Variants in KRIT1 observed in about 807,000 individuals in gnomAD.
KRIT1 encodes krev interaction trapped protein 1.
Under a neutral mutation model 95.8 loss-of-function variants are expected in KRIT1, and 45 were observed. The ratio of observed to expected loss-of-function variants is 0.47; its 90% confidence interval spans 0.37 to 0.60. KRIT1 has a LOEUF of 0.60. Ranked by LOEUF, KRIT1 falls within the 20% of genes least tolerant of loss-of-function variation. KRIT1 has a pLI of 0.00. For synonymous variants in KRIT1, 282 were observed against 278.8 expected, an observed-to-expected ratio of 1.01 and a Z score of -0.11; for missense variants, 788 against 877.5, an observed-to-expected ratio of 0.90 and a Z score of 1.29.
At chr7:92,223,777 G>A (rs1795655393) in intron 12 of KRIT1, among the ~76,000 whole-genome samples, 1 of 152,142 alleles carries the variant, frequency 6.6e-6, no homozygotes, top group African/African-American at 2.4e-5. Context: ...AATGAACTTT[G>A]AGCCAGTTTC....
At chr7:92,207,285 C>T (rs1791752138) in intron 17 of KRIT1, among the ~76,000 whole-genome samples, 1 of 151,822 alleles carries the variant, frequency 6.6e-6, no homozygotes, top group South Asian at 2.1e-4. Context: ...CATATAAGGA[C>T]ATTGCCATCA....
Position 92,245,844 on chromosome 7 carries a change from C to A in KRIT1, c.-475G>T. 1 of 212,698 alleles carries A rather than the reference C, an allele frequency of 4.7e-6. No homozygotes were observed. Among genetic ancestry groups the A allele is most frequent in the South Asian group, 6.2e-5 (1 of 16,068 alleles). The allele number at this position is 212,698 out of a possible 1,614,324, so 13.2% of individuals were successfully genotyped here. ...CACCTCAGCACCATTCACCCCTCACCCTCTCCCGAAACTACGGGGTCCCAG... is the reference window on the plus strand; with the variant it reads ...CACCTCAGCACCATTCACCCCTCACACTCTCCCGAAACTACGGGGTCCCAG... On this transcript the variant is annotated 5_prime_UTR_variant, in exon 1 of 19. Coordinates refer to ENST00000394505, the MANE Select transcript of KRIT1 (RefSeq NM_194454.3).
Position 92,221,910 on chromosome 7 carries a change from C to T in KRIT1, c.1555G>A (p.Glu519Lys). ...AAGATTTCCAAGCAAACCTGTTTTT[C>T]AACTTCCAAGGGAAGTCTCACATCT... ...RRDVRLPLEV[E>K]KQIEDPLAIL... Residue 519 changes from glutamate (E) to lysine (K), a missense_variant, in exon 14 of 19, where the codon GAA becomes AAA. Glu to Lys is a moderately conservative substitution (Grantham distance 56). Transcript: ENST00000394505. The T allele has an allele frequency of 1.9e-6, 3 of 1,613,510 alleles. No individual in the cohort carries two copies. The highest frequency in any genetic ancestry group is 2.5e-6 in the Non-Finnish European group (3 of 1,179,664).
chr7:92,223,646 T>C (rs567911391), intron 12 of KRIT1, among the ~76,000 whole-genome samples: 1 of 152,264 alleles, frequency 6.6e-6, no homozygotes, highest in East Asian at 1.9e-4. Context: ...TTACTGAATC[T>C]AGTGTTCGTC....
At chr7:92,235,324 T>C in intron 8 of KRIT1, 79 bp downstream of exon 8, 1 of 1,353,978 alleles carries the variant, frequency 7.4e-7, no homozygotes, top group Non-Finnish European at 1.1e-6. Context: ...TAGTAATAGA[T>C]GTATATATCT....
At chr7:92,221,301 TG>T (rs1160922076) in intron 14 of KRIT1, among the ~76,000 whole-genome samples, 4 of 151,992 alleles carry the variant, frequency 2.6e-5, no homozygotes, top group Non-Finnish European at 5.9e-5. Context: ...TAGCTAAGTG[TG>T]GTGGCACACG....
At chr7:92,233,453 C>T (rs774687450) in intron 10 of KRIT1, among the ~76,000 whole-genome samples, 27 of 149,500 alleles carry the variant, frequency 1.8e-4, no homozygotes, top group Non-Finnish European at 3.4e-4. Context: ...TGTCACCAGG[C>T]TGGAGTGCGG....
chr7:92,215,635 A>G (rs866401197), intron 14 of KRIT1, among the ~76,000 whole-genome samples: 1 of 150,462 alleles, frequency 6.6e-6, no homozygotes, highest in Non-Finnish European at 1.5e-5. Flanking sequence ...ATGCCTGGCT[A>G]ATTTTTAAAT....
chr7:92,236,654 G>T (rs539179943), intron 6 of KRIT1, 112 bp from the exon 7 acceptor site: 32 of 766,332 alleles, frequency 4.2e-5, no homozygotes, highest in Non-Finnish European at 6.7e-5. Flanking sequence ...AAAATAAATT[G>T]TTCTAGATTT....
At chr7:92,236,225 T>C (rs1286924625) in intron 7 of KRIT1, 188 bp downstream of exon 7, 4 of 512,820 alleles carry the variant, frequency 7.8e-6, no homozygotes, top group African/African-American at 7.7e-5. Flanking sequence ...TAACATGCTG[T>C]ACCCAGGCCA....
intron 17 of KRIT1, among the ~76,000 whole-genome samples, chr7:92,203,276 T>C (rs1328197765): frequency 1.3e-5 from 2 of 152,240 alleles, no homozygotes; most frequent in Admixed American, 1.3e-4. Flanking sequence ...AATGCAATCC[T>C]AGTAGACCTT....
intron 4 of KRIT1, 29 bp from the exon 5 acceptor site, chr7:92,241,181 C>T: frequency 6.5e-7 from 1 of 1,540,658 alleles, no homozygotes. Flanking sequence ...TAAGAGAAAG[C>T]TTAAAATAAA....
In KRIT1 at chr7:92,200,570, C is replaced by T; in HGVS notation, c.*166G>A. ...GTTTCACCATGTTGGCCAGGCTGGT[C>T]TTGAACTCTGACTTCAGGTGATCCG... On this transcript the variant is annotated 3_prime_UTR_variant, in exon 19 of 19. Coordinates refer to ENST00000394505, the MANE Select transcript of KRIT1 (RefSeq NM_194454.3). 1.6e-6 allele frequency: 1 copy of T among 645,152 alleles called. No individual in the cohort carries two copies. The allele number at this position is 645,152 out of a possible 1,614,324, so 40.0% of individuals were successfully genotyped here.
intron 14 of KRIT1, among the ~76,000 whole-genome samples, chr7:92,218,056 G>A (rs889574930): frequency 6.6e-6 from 1 of 151,820 alleles, no homozygotes; most frequent in Non-Finnish European, 1.5e-5. Context: ...CAAGTCCTTC[G>A]ACCTATTTTA....
chr7:92,210,639 T>G (rs989300329), intron 17 of KRIT1, among the ~76,000 whole-genome samples: 1 of 152,188 alleles, frequency 6.6e-6, no homozygotes, highest in Admixed American at 6.5e-5. Flanking sequence ...ATTTTATGGT[T>G]AAGACTTCAA....
At chr7:92,215,931 A>G (rs950855151) in intron 14 of KRIT1, among the ~76,000 whole-genome samples, 24 of 152,178 alleles carry the variant, frequency 1.6e-4, no homozygotes, top group African/African-American at 5.8e-4. Context: ...CCAAGCTTGA[A>G]TAAAAATGAT....
chr7:92,206,844 A>G (rs1006745396), intron 17 of KRIT1: 1 of 151,942 alleles, frequency 6.6e-6, no homozygotes, highest in African/African-American at 2.4e-5. Context: ...AACTCAATAA[A>G]TGAAATAAAA....
intron 17 of KRIT1, among the ~76,000 whole-genome samples, chr7:92,207,374 GA>G (rs35624080): frequency 3.8e-4 from 54 of 142,318 alleles, no homozygotes; most frequent in Admixed American, 7.7e-4. Flanking sequence ...AAAAGTTAAA[GA>G]AAAAAAAAAA....
chr7:92,209,185 G>A (rs1366831002), intron 17 of KRIT1, among the ~76,000 whole-genome samples: 1 of 151,712 alleles, frequency 6.6e-6, no homozygotes, highest in Non-Finnish European at 1.5e-5. Context: ...TCACATAGAA[G>A]GAACATACTT....
Sources: gnomAD v4.1 joint callset for allele counts (sites outside exome capture counted in the v4.1 genomes callset) on GRCh38, gnomAD v4.1.1 for gene constraint, MANE v1.5 for transcripts, NCBI Gene and HGNC (gene_info 2026-07-23, HGNC 2026-07-21) for gene names.